LRIG2: variants seen among roughly 807,000 people sequenced by gnomAD.
LRIG2 encodes leucine-rich repeats and immunoglobulin-like domains protein 2.
Under a neutral mutation model 107.8 loss-of-function variants are expected in LRIG2, and 93 were observed. The observed-to-expected ratio is 0.86, with a 90% CI of 0.73 to 1.03. The LOEUF (loss-of-function observed/expected upper bound fraction) is 1.03, where lower values mean the gene tolerates loss of function less well. Among genes scored for constraint, LRIG2 ranks in the 50% least tolerant of loss-of-function variants. The pLI, the probability that LRIG2 is intolerant of heterozygous loss-of-function variation, is 0.00. For missense variants in LRIG2, 1,226 were observed against 1,296.0 expected, an observed-to-expected ratio of 0.95 and a Z score of 0.83; for synonymous variants, 471 against 470.6, an observed-to-expected ratio of 1.00 and a Z score of -0.01.
At chr1:113,079,870 C>T (rs576961338) in intron 1 of LRIG2, among the ~76,000 whole-genome samples, 2 of 149,142 alleles carry the variant, frequency 1.3e-5, no homozygotes, top group East Asian at 4.2e-4. Flanking sequence ...GCTGGGATTA[C>T]AGGCGCCCAC....
intron 17 of LRIG2, among the ~76,000 whole-genome samples, chr1:113,120,985 A>G (rs974164756): frequency 1.3e-5 from 2 of 151,260 alleles, no homozygotes; most frequent in African/African-American, 4.9e-5. Context: ...CAACCGGCTA[A>G]TTTTTTGTAT....
chr1:113,076,234 G>C (rs902680501), intron 1 of LRIG2, among the ~76,000 whole-genome samples: 1 of 152,122 alleles, frequency 6.6e-6, no homozygotes. Context: ...TTGAACTCCT[G>C]ACCTCAGGTG....
At chr1:113,101,945 G>C (rs1654324262) in intron 11 of LRIG2, among the ~76,000 whole-genome samples, 1 of 151,908 alleles carries the variant, frequency 6.6e-6, no homozygotes, top group Non-Finnish European at 1.5e-5. Flanking sequence ...ATAAATAATA[G>C]ACCAGTAGAT....
intron 9 of LRIG2, among the ~76,000 whole-genome samples, chr1:113,099,236 G>GTTCTTTTCT (rs1553228709): frequency 1.2e-4 from 2 of 16,194 alleles, no homozygotes. Context: ...AACTTGGCTG[G>GTTCTTTTCT]TTTTTTTCTT....
intron 13 of LRIG2, 108 bp from the exon 14 acceptor site, chr1:113,112,371 G>T: frequency 3.2e-6 from 3 of 942,156 alleles, no homozygotes; most frequent in South Asian, 1.8e-5. Context: ...CAAAGAAATG[G>T]AACATTAGGG....
At chr1:113,083,160 T>C (rs139011706) in intron 1 of LRIG2, among the ~76,000 whole-genome samples, 49 of 151,774 alleles carry the variant, frequency 3.2e-4, no homozygotes, top group African/African-American at 1.2e-3. Context: ...GTCTGCCTGC[T>C]TCAGCCTTCT....
intron 11 of LRIG2, among the ~76,000 whole-genome samples, chr1:113,100,871 G>A (rs1371504030): frequency 2.6e-5 from 4 of 152,230 alleles, no homozygotes; most frequent in East Asian, 3.9e-4. Flanking sequence ...TATAGTTTCC[G>A]AGGTGATTTA....
chr1:113,093,350 A>C, intron 3 of LRIG2, 70 bp downstream of exon 3: 1 of 1,560,614 alleles, frequency 6.4e-7, no homozygotes, highest in Admixed American at 1.9e-5. Flanking sequence ...TAAAGCACAT[A>C]TATTGTTGAT....
At position 113,110,354 on chromosome 1, in the gene LRIG2, C is replaced by T. The variant is rs1304498805; in HGVS notation, c.1590C>T (p.Ser530=). ...TGAGCAGCAGTGATTCACCCATGTC[C>T]ACTGTGTGGCGCAAAGACAGTGAAA... ...TAVSSSDSPM[S]TVWRKDSEIL... is the part of the protein sequence containing the mutation. Residue 530 remains serine (S), a synonymous_variant, in exon 13 of 18, where the codon TCC becomes TCT. Transcript: ENST00000361127. The T allele has an allele frequency of 2.5e-6, 4 of 1,613,990 alleles. No homozygotes were observed. Among genetic ancestry groups the T allele is most frequent in the Non-Finnish European group, 3.4e-6 (4 of 1,180,012 alleles).
chr1:113,127,381 C>CTTTTTTTTTTTTTT lies in LRIG2; in HGVS notation c.*3288_*3301dup, dbSNP rs33992650. 1 of 102,246 alleles carries CTTTTTTTTTTTTTT rather than the reference C, an allele frequency of 9.8e-6. No homozygotes were observed. The highest frequency in any genetic ancestry group is 3.7e-5 in the African/African-American group (1 of 27,208). The allele number at this position is 102,246 out of a possible 1,614,324, so 6.3% of individuals were successfully genotyped here. ...ATTACAGGCACACCACCATTTCCAG[C>CTTTTTTTTTTTTTT]TTTTTTTTTTTTTTTTTTTTTGATA... On this transcript the variant is annotated 3_prime_UTR_variant, in exon 18 of 18. Transcript: ENST00000361127.
chr1:113,112,544 G>A lies in LRIG2; in HGVS notation c.1864G>A (p.Glu622Lys), dbSNP rs1021852313. 4.3e-6 allele frequency: 7 copies of A among 1,614,048 alleles called. No individual in the cohort carries two copies. The highest frequency in any genetic ancestry group is 5.9e-6 in the Non-Finnish European group (7 of 1,180,024). The change falls in exon 14 of 18, where the codon GAA (glutamate) becomes AAA (lysine). Residue 622 changes from glutamate to lysine, a missense_variant. Transcript: ENST00000361127. ...TIRTGAMARLECAAEGHPAPQ... is the reference protein window; with the variant it reads ...TIRTGAMARLKCAAEGHPAPQ... ...TCGCACTGGTGCCATGGCCAGATTA[G>A]AATGTGCTGCAGAGGGACACCCTGC...
At chr1:113,087,797 TA>T (rs1323268679) in intron 1 of LRIG2, among the ~76,000 whole-genome samples, 45 of 152,224 alleles carry the variant, frequency 3.0e-4, no homozygotes, top group African/African-American at 1.1e-3. Flanking sequence ...AAATTAGGCG[TA>T]AAAGCTAATT....
rs772783769 is a variant in LRIG2 at position 113,114,836 on chromosome 1, CAT to C, written c.2491_2492del (p.Met831GlufsTer5). On this transcript the variant is annotated frameshift_variant, in exon 15 of 18. Transcript: ENST00000361127. LOFTEE classifies it high-confidence loss of function. Reference protein sequence around the residue: ...SLIWVIVIYHMRRKNEDYSIT... With the variant: ...SLIWVIVIYHXRRKNEDYSIT... ...TGATCTGGGTCATTGTTATTTACCA[CAT>C]GAGAAGGAAAAATGAAGACTATAGT... The C allele has an allele frequency of 3.7e-6, 6 of 1,613,140 alleles. No individual in the cohort carries two copies. The highest frequency in any genetic ancestry group is 1.1e-5 in the South Asian group (1 of 91,040).
chr1:113,120,531 A>G (rs1655203921), intron 17 of LRIG2, among the ~76,000 whole-genome samples: 1 of 139,796 alleles, frequency 7.2e-6, no homozygotes, highest in Non-Finnish European at 1.6e-5. Context: ...TTTTTGGGAA[A>G]TGGAGGTTCG....
Position 113,112,667 on chromosome 1 carries a change from G to A in LRIG2, c.1987G>A (p.Ala663Thr). 3 of 1,613,982 alleles carry A rather than the reference G, an allele frequency of 1.9e-6. No individual in the cohort carries two copies. The Middle Eastern group carries it at 5.0e-4, about 266-fold the overall frequency. Residue 663 changes from alanine to threonine, a missense_variant, in exon 14 of 18, where the codon GCC becomes ACC. Transcript: ENST00000361127. ...GCCCGAGGATGACGTCTTCTTTATT[G>A]CCAATGTGAAAATAGAAGATATGGG... Reference protein sequence around the residue: ...VMPEDDVFFIANVKIEDMGIY... With the variant: ...VMPEDDVFFITNVKIEDMGIY...
intron 11 of LRIG2, among the ~76,000 whole-genome samples, chr1:113,102,268 T>G (rs1477810945): frequency 2.0e-5 from 3 of 152,084 alleles, no homozygotes; most frequent in Non-Finnish European, 4.4e-5. Flanking sequence ...AGTATTTTTT[T>G]TTTTAATTTA....
rs1654598266 is a variant in LRIG2 at position 113,107,722 on chromosome 1, G to C, written c.1442G>C (p.Ser481Thr). The change falls in exon 12 of 18, where the codon AGC becomes ACC. Residue 481 changes from serine (S) to threonine (T), a missense_variant. By Grantham distance (58) the Ser-to-Thr change is moderately conservative (BLOSUM62 1). Transcript: ENST00000361127. ...CAHPEWLAGQSILNVDLKDFV... is the reference protein window; with the variant it reads ...CAHPEWLAGQTILNVDLKDFV... ...CACCCTGAATGGCTAGCAGGGCAAA[G>C]CATCCTGAATGTGGATCTGAAAGAT... is the stretch of plus-strand genomic sequence containing the variant. 1.2e-6 allele frequency: 2 copies of C among 1,613,138 alleles called. No individual in the cohort carries two copies. The highest frequency in any genetic ancestry group is 1.7e-6 in the Non-Finnish European group (2 of 1,179,756).
Position 113,108,885 on chromosome 1 carries a change from A to AT in LRIG2, c.1477+1138dup, listed in dbSNP as rs898230489. 1.1e-3 allele frequency among the ~76,000 whole-genome samples: 173 copies of AT among 150,580 alleles called. 1 individual carries two copies. The highest frequency in any genetic ancestry group is 1.4e-3 in the Non-Finnish European group (94 of 67,520). Reference sequence around the variant, plus strand: ...AGTGAGACTCTGTCTCAAAAAAACAATTTTTTTTTTCTTTAAAGTGGAATG... The same window carrying AT: ...AGTGAGACTCTGTCTCAAAAAAACAATTTTTTTTTTTCTTTAAAGTGGAATG... On this transcript the variant is annotated intron_variant, in intron 12 of 17. Transcript: ENST00000361127.
rs561073118 is a variant in LRIG2 at position 113,084,474 on chromosome 1, C to G, written c.240-6844C>G. Among the ~76,000 whole-genome samples the G allele has an allele frequency of 9.8e-4, 149 of 152,206 alleles. 1 individual carries two copies. The highest frequency in any genetic ancestry group is 3.1e-3 in the African/African-American group (130 of 41,538). On this transcript the variant is annotated intron_variant, in intron 1 of 17. Transcript: ENST00000361127. ...TTGTGATCCGCCCGCCTCGGCCTCC[C>G]AAAGTACTGGGATTACAGGCATGAG... is the stretch of plus-strand genomic sequence containing the variant.
Sources: allele counts gnomAD v4.1 joint callset (sites outside exome capture counted in the v4.1 genomes callset), GRCh38; gene constraint gnomAD v4.1.1; transcripts MANE v1.5; gene names NCBI Gene and HGNC (gene_info 2026-07-23, HGNC 2026-07-21).